Variants in MYBPC1 observed in about 807,000 individuals in gnomAD.
MYBPC1 encodes the protein myosin binding protein C1, also known as myosin-binding protein C, slow-type.
Under a neutral mutation model 147.1 loss-of-function variants are expected in MYBPC1, and 52 were observed. The ratio of observed to expected loss-of-function variants is 0.35; its 90% CI spans 0.28 to 0.45. The LOEUF is 0.45. MYBPC1 is among the 20% of genes least tolerant of loss of function. MYBPC1 has a pLI of 1.00. For synonymous variants in MYBPC1, 477 were observed against 475.9 expected, an observed-to-expected ratio of 1.00 and a Z score of -0.03; for missense variants, 1,228 against 1,440.3, an observed-to-expected ratio of 0.85 and a Z score of 2.39.
intron 1 of MYBPC1, 107 bp from the exon 2 acceptor site, chr12:101,614,389 A>G: frequency 8.3e-7 from 1 of 1,200,626 alleles, no homozygotes; most frequent in Non-Finnish European, 1.2e-6. Context: ...TTGTGAGTAC[A>G]CACAGGTGAG....
intron 23 of MYBPC1, chr12:101,670,000 G>T: frequency 2.2e-5 from 9 of 407,508 alleles, no homozygotes; most frequent in East Asian, 1.9e-4. Context: ...AAGAGAAAAT[G>T]TATTTTTCTA....
chr12:101,652,967 G>T, intron 17 of MYBPC1, 148 bp from the exon 18 acceptor site: 16 of 1,203,228 alleles, frequency 1.3e-5, no homozygotes, highest in Non-Finnish European at 1.9e-5. Context: ...GGTTTTGCAA[G>T]GTGCCAGGCA....
intron 25 of MYBPC1, 64 bp from the exon 26 acceptor site, chr12:101,675,228 T>C (rs1899676502): frequency 6.2e-7 from 1 of 1,600,928 alleles, no homozygotes; most frequent in Non-Finnish European, 8.5e-7. Context: ...AATATCCTCA[T>C]GAAACAAAAT....
chr12:101,657,424 G>A (rs1895726630), intron 18 of MYBPC1, among the ~76,000 whole-genome samples: 1 of 152,156 alleles, frequency 6.6e-6, no homozygotes, highest in Admixed American at 6.5e-5. Flanking sequence ...CTGGTTCTTT[G>A]TAAATATCAA....
chr12:101,674,862 CAAAAAAA>C (rs62824364), intron 25 of MYBPC1, among the ~76,000 whole-genome samples: 7 of 59,866 alleles, frequency 1.2e-4, no homozygotes, highest in African/African-American at 5.8e-4. Flanking sequence ...ACTCTGTCTC[CAAAAAAA>C]AAAAAAAAAA....
At chr12:101,617,056 A>G in intron 2 of MYBPC1, 146 bp from the exon 3 acceptor site, 1 of 694,676 alleles carries the variant, frequency 1.4e-6, no homozygotes, top group South Asian at 1.8e-5. Flanking sequence ...TAAATTCATA[A>G]TTCATGTACA....
At chr12:101,678,494 G>A (rs1594074410) in intron 28 of MYBPC1, among the ~76,000 whole-genome samples, 1 of 152,238 alleles carries the variant, frequency 6.6e-6, no homozygotes, top group Admixed American at 6.5e-5. Flanking sequence ...TCCTGTGTAA[G>A]GAGATGGAAG....
At chr12:101,662,681 G>A in intron 21 of MYBPC1, 135 bp downstream of exon 21, 2 of 934,206 alleles carry the variant, frequency 2.1e-6, no homozygotes, top group Non-Finnish European at 1.6e-6. Flanking sequence ...AAACAGTTAG[G>A]TACAATTTTA....
downstream of MYBPC1, among the ~76,000 whole-genome samples, chr12:101,688,183 G>T (rs1329556079): frequency 6.6e-6 from 1 of 152,202 alleles, no homozygotes; most frequent in Non-Finnish European, 1.5e-5. Flanking sequence ...ACTTTTAGAG[G>T]CCGAGGCGGG....
chr12:101,690,606 A>G (rs933995774), downstream of MYBPC1, among the ~76,000 whole-genome samples: 1 of 152,230 alleles, frequency 6.6e-6, no homozygotes, highest in African/African-American at 2.4e-5. Flanking sequence ...TTATAAATAA[A>G]AAATGATTAA....
chr12:101,635,258 A>C (rs1196899997), intron 9 of MYBPC1, among the ~76,000 whole-genome samples: 1 of 152,176 alleles, frequency 6.6e-6, no homozygotes, highest in African/African-American at 2.4e-5. Context: ...CCTTCCTGTC[A>C]TTATGTTATT....
intron 1 of MYBPC1, among the ~76,000 whole-genome samples, chr12:101,599,103 T>C (rs141401338): frequency 1.0e-3 from 158 of 152,318 alleles, no homozygotes; most frequent in Non-Finnish European, 1.7e-3. Context: ...GTGTAAGATC[T>C]CTTCTTGAAA....
At chr12:101,670,497 C>A in intron 24 of MYBPC1, 88 bp downstream of exon 24, 1 of 1,135,704 alleles carries the variant, frequency 8.8e-7, no homozygotes, top group South Asian at 1.2e-5. Context: ...TTAAGTTCAT[C>A]ATGATTCAGG....
At chr12:101,641,186 C>T (rs1293303791) in intron 10 of MYBPC1, among the ~76,000 whole-genome samples, 2 of 150,496 alleles carry the variant, frequency 1.3e-5, no homozygotes, top group African/African-American at 4.9e-5. Flanking sequence ...ACAGATGTAA[C>T]CCATCATTCC....
At chr12:101,610,785 G>T (rs575932191) in intron 1 of MYBPC1, among the ~76,000 whole-genome samples, 14 of 152,108 alleles carry the variant, frequency 9.2e-5, no homozygotes, top group African/African-American at 3.4e-4. Flanking sequence ...GTGTAATTGC[G>T]CTGAGAAGTC....
intron 21 of MYBPC1, among the ~76,000 whole-genome samples, chr12:101,662,930 C>T (rs1385998567): frequency 1.3e-5 from 2 of 151,994 alleles, no homozygotes; most frequent in South Asian, 2.1e-4. Context: ...AAATTGAGAT[C>T]GGTTCAACAG....
chr12:101,610,372 G>A (rs1883804066), intron 1 of MYBPC1, among the ~76,000 whole-genome samples: 1 of 152,036 alleles, frequency 6.6e-6, no homozygotes, highest in African/African-American at 2.4e-5. Flanking sequence ...GGGGTATGAG[G>A]GACTCACCTC....
At chr12:101,664,397 T>A (rs1170189477) in intron 22 of MYBPC1, 4 of 152,100 alleles carry the variant, frequency 2.6e-5, no homozygotes, top group Admixed American at 2.6e-4. Context: ...GTAAACAATC[T>A]CCCAGGAAAC....
intron 28 of MYBPC1, 27 bp from the exon 29 acceptor site, chr12:101,680,316 C>T (rs979734704): frequency 6.2e-7 from 1 of 1,605,876 alleles, no homozygotes; most frequent in South Asian, 1.1e-5. Context: ...TATGTTTTGA[C>T]CTAAGTTTCT....
Sources: allele counts gnomAD v4.1 joint callset (sites outside exome capture counted in the v4.1 genomes callset), GRCh38; gene constraint gnomAD v4.1.1; transcripts MANE v1.5; gene names NCBI Gene and HGNC (gene_info 2026-07-23, HGNC 2026-07-21).